The following PAK3 variants were observed in gnomAD, a reference collection of about 807,000 sequenced individuals.
PAK3 encodes the protein serine/threonine-protein kinase PAK 3.
Under a neutral mutation model 41.0 loss-of-function variants are expected in PAK3, and 4 were observed. The observed-to-expected ratio is 0.10, with a 90% confidence interval of 0.05 to 0.22. The LOEUF is 0.22. PAK3 is among the 10% of genes least tolerant of loss of function. The pLI, the probability that PAK3 is intolerant of heterozygous loss-of-function variation, is 1.00. For synonymous variants in PAK3, 146 were observed against 139.6 expected, an observed-to-expected ratio of 1.05 and a Z score of -0.32; for missense variants, 205 against 409.9, an observed-to-expected ratio of 0.50 and a Z score of 4.32.
intron 1 of PAK3, among the ~76,000 whole-genome samples, chrX:110,958,004 G>A (rs1280982850): frequency 1.8e-5 from 2 of 112,033 alleles, no homozygotes; most frequent in Non-Finnish European, 3.8e-5. Context: ...GGGTAGGAGA[G>A]ACAATAGCAG....
At chrX:111,093,332 G>A (rs2092944300), upstream of PAK3, among the ~76,000 whole-genome samples, 1 of 111,741 alleles carries the variant, frequency 8.9e-6, no homozygotes, top group Non-Finnish European at 1.9e-5. Flanking sequence ...GATCAGATGG[G>A]GAGATACAAA....
intron 10 of PAK3, among the ~76,000 whole-genome samples, chrX:111,170,454 C>A (rs181764682): frequency 1.2e-4 from 13 of 110,252 alleles, no homozygotes; most frequent in African/African-American, 4.3e-4. Context: ...GCTGTTAGGT[C>A]TAAATTATGT....
intron 16 of PAK3, among the ~76,000 whole-genome samples, chrX:111,197,161 G>T (rs1237733785): frequency 9.0e-6 from 1 of 111,143 alleles, no homozygotes; most frequent in Non-Finnish European, 1.9e-5. Flanking sequence ...TCCCACTTAC[G>T]AGTGAACATG....
chrX:111,179,905 T>A (rs901758507), intron 11 of PAK3, among the ~76,000 whole-genome samples: 1 of 111,090 alleles, frequency 9.0e-6, no homozygotes, highest in African/African-American at 3.3e-5. Context: ...ATTACAGGCG[T>A]GTGTCACCAT....
intron 1 of PAK3, among the ~76,000 whole-genome samples, chrX:110,994,315 T>C (rs773560196): frequency 1.8e-5 from 2 of 111,770 alleles, no homozygotes; most frequent in Non-Finnish European, 3.8e-5. Flanking sequence ...TCATCATGGT[T>C]TGAGTTTGAA....
chrX:111,078,589 C>G (rs1569304813), intron 1 of PAK3, among the ~76,000 whole-genome samples: 1 of 110,830 alleles, frequency 9.0e-6, no homozygotes, highest in East Asian at 2.8e-4. Flanking sequence ...CTCTCCTAAG[C>G]CCTGCCTATT....
intron 10 of PAK3, among the ~76,000 whole-genome samples, chrX:111,171,743 G>C (rs2094344356): frequency 1.8e-5 from 2 of 111,430 alleles, no homozygotes; most frequent in African/African-American, 6.5e-5. Context: ...TAACAAGTAA[G>C]AGGTAAAAGG....
At chrX:110,996,712 T>C (rs1433103615) in intron 1 of PAK3, among the ~76,000 whole-genome samples, 1 of 111,227 alleles carries the variant, frequency 9.0e-6, no homozygotes, top group East Asian at 2.8e-4. Flanking sequence ...AAGCATACAA[T>C]GAGATGGTGG....
chrX:111,113,790 G>A (rs1049455171), intron 4 of PAK3, among the ~76,000 whole-genome samples: 4 of 108,316 alleles, frequency 3.7e-5, no homozygotes, highest in South Asian at 4.2e-4. Flanking sequence ...CCCACCCCAC[G>A]ACAGGCTCCA....
intron 11 of PAK3, among the ~76,000 whole-genome samples, chrX:111,187,311 A>G (rs1033927405): frequency 8.9e-6 from 1 of 112,042 alleles, no homozygotes; most frequent in African/African-American, 3.2e-5. Flanking sequence ...GAGCTTCCTT[A>G]TGATTCACAC....
chrX:111,144,527 G>A (rs1456657052), intron 6 of PAK3, among the ~76,000 whole-genome samples: 2 of 111,252 alleles, frequency 1.8e-5, no homozygotes, highest in Non-Finnish European at 3.8e-5. Context: ...TTTAGAATTG[G>A]GTCCTAATTG....
At chrX:111,085,857 C>A (rs928481051) in intron 1 of PAK3, among the ~76,000 whole-genome samples, 1 of 111,994 alleles carries the variant, frequency 8.9e-6, no homozygotes, top group African/African-American at 3.2e-5. Context: ...ATCAGATTGT[C>A]TCCTTTCTAG....
intron 1 of PAK3, among the ~76,000 whole-genome samples, chrX:110,952,357 T>C (rs2090761451): frequency 9.0e-6 from 1 of 111,180 alleles, no homozygotes; most frequent in South Asian, 3.8e-4. Context: ...CATGAAAAAG[T>C]GGTGATGATA....
chrX:110,994,289 G>A, intron 1 of PAK3, among the ~76,000 whole-genome samples: 1 of 111,825 alleles, frequency 8.9e-6, no homozygotes, highest in Middle Eastern at 4.6e-3. Flanking sequence ...AACTAATGAG[G>A]GGGCCAAATT....
intron 1 of PAK3, among the ~76,000 whole-genome samples, chrX:110,948,831 A>G (rs972393164): frequency 8.9e-6 from 1 of 112,294 alleles, no homozygotes; most frequent in African/African-American, 3.2e-5. Flanking sequence ...ACAAGAGATA[A>G]CTGTGTGACT....
intron 1 of PAK3, among the ~76,000 whole-genome samples, chrX:111,063,201 C>G (rs948795637): frequency 1.8e-5 from 2 of 112,154 alleles, no homozygotes; most frequent in Non-Finnish European, 3.8e-5. Context: ...CTTATACTAG[C>G]CCCTTCCCTC....
At chrX:111,015,432 A>T (rs2092074582) in intron 1 of PAK3, among the ~76,000 whole-genome samples, 1 of 110,956 alleles carries the variant, frequency 9.0e-6, no homozygotes, top group African/African-American at 3.3e-5. Flanking sequence ...TCTCTTTGAG[A>T]TACTGTTTTT....
intron 16 of PAK3, among the ~76,000 whole-genome samples, chrX:111,206,642 T>G (rs1206028672): frequency 8.9e-6 from 1 of 112,126 alleles, no homozygotes; most frequent in Non-Finnish European, 1.9e-5. Context: ...TTGTCCCTCA[T>G]AATTTAGTGA....
At chrX:110,971,761 C>A (rs1341623215) in intron 1 of PAK3, among the ~76,000 whole-genome samples, 1 of 111,735 alleles carries the variant, frequency 8.9e-6, no homozygotes, top group East Asian at 2.8e-4. Flanking sequence ...AATTCAAGAT[C>A]ACTAAAATTC....
Sources: allele counts gnomAD v4.1 joint callset (sites outside exome capture counted in the v4.1 genomes callset), GRCh38; gene constraint gnomAD v4.1.1; transcripts MANE v1.5; gene names NCBI Gene and HGNC (gene_info 2026-07-23, HGNC 2026-07-21).